The following PPP6R1 variants were observed in gnomAD, a reference collection of about 807,000 sequenced individuals.
PPP6R1 encodes the protein serine/threonine-protein phosphatase 6 regulatory subunit 1.
In PPP6R1, 39 loss-of-function variants were observed where a neutral mutation model predicts 104.6. The ratio of observed to expected loss-of-function variants is 0.37; its 90% confidence interval spans 0.29 to 0.49. The LOEUF is 0.49. Among genes scored for constraint, PPP6R1 ranks in the 20% least tolerant of loss-of-function variants. PPP6R1 has a pLI of 0.98. For missense variants in PPP6R1, 1,181 were observed against 1,155.8 expected, an observed-to-expected ratio of 1.02 and a Z score of -0.32; for synonymous variants, 549 against 479.0, an observed-to-expected ratio of 1.15 and a Z score of -1.91.
At chr19:55,233,136 C>T (rs1027033161) in intron 17 of PPP6R1, 11 of 152,154 alleles carry the variant, frequency 7.2e-5, no homozygotes, top group African/African-American at 2.4e-4. Context: ...TGTGGTCCAT[C>T]GCTGACCCAA....
intron 1 of PPP6R1, among the ~76,000 whole-genome samples, chr19:55,255,456 T>C (rs976577014): frequency 3.3e-5 from 5 of 152,228 alleles, no homozygotes; most frequent in Admixed American, 2.6e-4. Flanking sequence ...ACCAAGGATC[T>C]CACCCCACCG....
chr19:55,249,588 C>T (rs2087537461), intron 1 of PPP6R1, among the ~76,000 whole-genome samples: 1 of 152,058 alleles, frequency 6.6e-6, no homozygotes, highest in Non-Finnish European at 1.5e-5. Context: ...CGCCTATAAT[C>T]CCAGCACTTT....
intron 5 of PPP6R1, among the ~76,000 whole-genome samples, chr19:55,243,420 AAAAG>A (rs1417582730): frequency 2.0e-5 from 3 of 151,628 alleles, no homozygotes; most frequent in Non-Finnish European, 4.4e-5. Flanking sequence ...AAAAAAAAAA[AAAAG>A]AAAGGCCAAG....
In PPP6R1 at chr19:55,231,868, C is replaced by T; in HGVS notation, c.2240G>A (p.Ser747Asn). The T allele has an allele frequency of 6.7e-7, 1 of 1,501,978 alleles. No individual in the cohort carries two copies. Among genetic ancestry groups the T allele is most frequent in the Non-Finnish European group, 8.9e-7 (1 of 1,125,802 alleles). The allele number at this position is 1,501,978 out of a possible 1,614,324, so 93.0% of individuals were successfully genotyped here. A position where few individuals can be genotyped will look rare whatever the true frequency, so the allele number is the denominator to read the frequency against. ...CTGAGTGGGGAGGCCCTGGGGCACACTGAGGGGCCCCTGTGGGGCTGGAGG... is the reference window on the plus strand; with the variant it reads ...CTGAGTGGGGAGGCCCTGGGGCACATTGAGGGGCCCCTGTGGGGCTGGAGG... ...TGPPAPQGPL[S>N]VPQGLPTQSL... Residue 747 changes from serine (S) to asparagine (N), a missense_variant, in exon 19 of 24, where the codon AGT becomes AAT. By Grantham distance (46) the Ser-to-Asn change is conservative. Transcript: ENST00000412770.
chr19:55,255,620 A>G (rs1786037986), intron 1 of PPP6R1: 1 of 152,212 alleles, frequency 6.6e-6, no homozygotes, highest in Non-Finnish European at 1.5e-5. Context: ...GTGCCGAGTG[A>G]TTCCCACTCT....
At position 55,245,723 on chromosome 19, in the gene PPP6R1, G is replaced by A. The variant is rs777158843; in HGVS notation, c.228-45C>T. 8.3e-6 allele frequency: 12 copies of A among 1,453,204 alleles called. No individual in the cohort carries two copies. The East Asian group carries it at 2.9e-4, about 35-fold the overall frequency. 90.0% of individuals were successfully genotyped at this position (1,453,204 alleles called of 1,614,324 possible). A position where few individuals can be genotyped will look rare whatever the true frequency, so the allele number is the denominator to read the frequency against. On this transcript the variant is annotated intron_variant, in intron 2 of 23. Transcript: ENST00000412770. The surrounding 1 kb of genome is among the most constrained non-coding windows in gnomAD (Gnocchi z 6.4). Reference sequence around the variant, plus strand: ...GGGTGGGGGCTCGGGTCGGAGGCCGGGGGCAGGGGGCGGCAAGGCTCCACC... The same window carrying A: ...GGGTGGGGGCTCGGGTCGGAGGCCGAGGGCAGGGGGCGGCAAGGCTCCACC...
At chr19:55,247,888 G>A (rs1021471411) in intron 1 of PPP6R1, among the ~76,000 whole-genome samples, 4 of 152,210 alleles carry the variant, frequency 2.6e-5, no homozygotes, top group Non-Finnish European at 4.4e-5. Flanking sequence ...CCCAGGGTGG[G>A]ATAGACAGAT....
downstream of PPP6R1, chr19:55,228,690 C>A (rs1459826873): frequency 4.3e-6 from 7 of 1,612,700 alleles, no homozygotes; most frequent in Non-Finnish European, 5.9e-6. Context: ...AAGGCTCTCA[C>A]CTGGGCTGAG....
In PPP6R1 at chr19:55,231,876, C is replaced by A. The variant is rs2087351388; in HGVS notation, c.2232G>T (p.Gly744=). Residue 744 remains glycine (G), a synonymous_variant, in exon 19 of 24, where the codon GGG becomes GGT. Coordinates refer to ENST00000412770, the MANE Select transcript of PPP6R1 (RefSeq NM_014931.4). ...GGAGGCCCTGGGGCACACTGAGGGGCCCCTGTGGGGCTGGAGGCCCAGTGT... is the reference window on the plus strand; with the variant it reads ...GGAGGCCCTGGGGCACACTGAGGGGACCCTGTGGGGCTGGAGGCCCAGTGT... The part of the protein sequence containing the change: ...ELHTGPPAPQ[G]PLSVPQGLPT... 6.6e-6 allele frequency: 10 copies of A among 1,507,054 alleles called. No homozygotes were observed. Among genetic ancestry groups the A allele is most frequent in the African/African-American group, 1.4e-5 (1 of 71,872 alleles). 93.4% of individuals were successfully genotyped at this position (1,507,054 alleles called of 1,614,324 possible).
At chr19:55,237,005 A>G (rs1463982855) in intron 15 of PPP6R1, 35 bp from the exon 16 acceptor site, 1 of 1,569,240 alleles carries the variant, frequency 6.4e-7, no homozygotes, top group Middle Eastern at 1.7e-4. Context: ...GAGAAGGTCC[A>G]CCTGGGGGTG....
At chr19:55,239,376 G>C in intron 15 of PPP6R1, 29 bp downstream of exon 15, 2 of 1,589,708 alleles carry the variant, frequency 1.3e-6, no homozygotes, top group East Asian at 2.2e-5. Flanking sequence ...GGCAGGACAG[G>C]GCTGTGACCC....
chr19:55,230,971 T>C (rs1266720079), intron 21 of PPP6R1, 87 bp from the exon 22 acceptor site: 4 of 1,166,466 alleles, frequency 3.4e-6, no homozygotes, highest in South Asian at 2.6e-5. Flanking sequence ...TGAAGTCGGC[T>C]CACTGGGTGT....
At chr19:55,228,479 C>T (rs930119566), downstream of PPP6R1, 3 of 1,602,810 alleles carry the variant, frequency 1.9e-6, no homozygotes, top group African/African-American at 2.7e-5. Context: ...CCCAGCCCAG[C>T]CCCCATTCTT....
chr19:55,255,661 C>T (rs1301801003), intron 1 of PPP6R1: 1 of 152,372 alleles, frequency 6.6e-6, no homozygotes, highest in African/African-American at 2.4e-5. Flanking sequence ...CCAAAGCTCT[C>T]AGGCCTCTCT....
At position 55,247,053 on chromosome 19, in the gene PPP6R1, C is replaced by T. The variant is rs1568949754; in HGVS notation, c.51G>A (p.Leu17=). The T allele has an allele frequency of 6.2e-7, 1 of 1,613,834 alleles. No individual in the cohort carries two copies. Among genetic ancestry groups the T allele is most frequent in the Admixed American group, 1.7e-5 (1 of 60,024 alleles). ...LHTSSHLDTL[L]EREDLSLPEL... ...CGGGCAGGCTCAGGTCCTCCCGCTC[C>T]AGCAGCGTGTCCAGGTGCGAGCTTG... Residue 17 remains leucine, a synonymous_variant, in exon 2 of 24, where the codon CTG becomes CTA. Transcript: ENST00000412770.
intron 17 of PPP6R1, 72 bp downstream of exon 17, chr19:55,236,571 A>C: frequency 1.4e-6 from 2 of 1,423,708 alleles, no homozygotes; most frequent in Non-Finnish European, 1.8e-6. Flanking sequence ...CTCAGTCCAA[A>C]TGTGTTGGGG....
In PPP6R1 at chr19:55,244,398, C is replaced by T. The variant is rs376378988; in HGVS notation, c.618+722G>A. On this transcript the variant is annotated intron_variant, in intron 5 of 23. Coordinates refer to ENST00000412770, the MANE Select transcript of PPP6R1 (RefSeq NM_014931.4). ...CACATGGACATGGGGTCCCCCAGAG[C>T]TAAAGGGGAGGATGTGAGGGCGCTT... Among the ~76,000 whole-genome samples, 10 of 152,308 alleles carry T rather than the reference C, an allele frequency of 6.6e-5. No homozygotes were observed. The East Asian group carries it at 7.7e-4, about 12-fold the overall frequency.
chr19:55,231,346 C>G, intron 21 of PPP6R1, 64 bp downstream of exon 21: 3 of 1,495,676 alleles, frequency 2.0e-6, no homozygotes, highest in Non-Finnish European at 1.8e-6. Flanking sequence ...GAACCCAGAG[C>G]CCACCTCAGC....
intron 15 of PPP6R1, 95 bp from the exon 16 acceptor site, chr19:55,237,065 G>T: frequency 7.6e-7 from 1 of 1,318,994 alleles, no homozygotes; most frequent in Non-Finnish European, 1.1e-6. Flanking sequence ...ACACAGAGCT[G>T]ACCCTCATTA....
Sources: gnomAD v4.1 joint callset for allele counts (sites outside exome capture counted in the v4.1 genomes callset) on GRCh38, gnomAD v4.1.1 for gene constraint, Gnocchi (gnomAD v3.1) non-coding constraint, MANE v1.5 for transcripts, NCBI Gene and HGNC (gene_info 2026-07-23, HGNC 2026-07-21) for gene names.